FANCD2: variants seen among roughly 807,000 people sequenced by gnomAD.
FANCD2 encodes the protein FA complementation group D2, also known as Fanconi anemia group D2 protein.
Under a neutral mutation model 192.3 loss-of-function variants are expected in FANCD2, and 131 were observed. The observed-to-expected ratio is 0.68, with a 90% CI of 0.59 to 0.79. The LOEUF is 0.79. Ranked by LOEUF, FANCD2 falls within the 30% of genes least tolerant of loss-of-function variation. The pLI, the probability that FANCD2 is intolerant of heterozygous loss-of-function variation, is 0.00. For missense variants in FANCD2, 1,508 were observed against 1,701.6 expected (o/e 0.89, Z 2.00); for synonymous variants, 524 against 612.5 (o/e 0.86, Z 2.13).
chr3:10,081,763 T>G (rs1313272758), intron 32 of FANCD2, among the ~76,000 whole-genome samples: 6 of 152,062 alleles, frequency 3.9e-5, no homozygotes, highest in African/African-American at 1.4e-4. Context: ...AATTCCAGAT[T>G]GTTTGGTGAT....
At chr3:10,046,030 A>G (rs1559377235) in intron 14 of FANCD2, among the ~76,000 whole-genome samples, 1 of 149,300 alleles carries the variant, frequency 6.7e-6, no homozygotes. Flanking sequence ...TAGTAATATC[A>G]CTTTCATGCA....
rs181268064 is a variant in FANCD2, at chr3:10,093,756, G to T, written c.3888+433G>T. 2.0e-3 allele frequency among the ~76,000 whole-genome samples: 298 copies of T among 152,310 alleles called. 1 individual carries two copies. Among genetic ancestry groups the T allele is most frequent in the Non-Finnish European group, 3.2e-3 (220 of 68,028 alleles). On this transcript the variant is annotated intron_variant, in intron 39 of 43. Transcript: ENST00000675286. ...GTATTAGCCCTAGATTTGATGGGAA[G>T]TCCAGTCAGAATGTTATGGGGAGAA...
chr3:10,044,393 C>T (rs147436881), intron 14 of FANCD2, among the ~76,000 whole-genome samples: 8 of 151,672 alleles, frequency 5.3e-5, no homozygotes, highest in East Asian at 1.9e-4. Context: ...ATTGGCCGGG[C>T]GCGGTAGCTC....
At chr3:10,097,809 T>G (rs1340518111) in intron 42 of FANCD2, among the ~76,000 whole-genome samples, 1 of 152,208 alleles carries the variant, frequency 6.6e-6, no homozygotes, top group Non-Finnish European at 1.5e-5. Flanking sequence ...AATTTATGTT[T>G]AGAGATTACA....
intron 9 of FANCD2, chr3:10,040,806 A>G (rs1417150915): frequency 6.2e-6 from 2 of 323,006 alleles, no homozygotes; most frequent in African/African-American, 4.4e-5. Context: ...CCTTTTGGGC[A>G]GGATGCTCCT....
At chr3:10,072,204 C>A (rs1437668950) in intron 26 of FANCD2, among the ~76,000 whole-genome samples, 1 of 151,924 alleles carries the variant, frequency 6.6e-6, no homozygotes, top group Non-Finnish European at 1.5e-5. Flanking sequence ...CCCCATTTAC[C>A]CTCATGTGAT....
chr3:10,070,393 C>G (rs962513298), intron 26 of FANCD2, among the ~76,000 whole-genome samples: 3 of 142,952 alleles, frequency 2.1e-5, no homozygotes, highest in Non-Finnish European at 3.1e-5. Context: ...GTCAGCCCCC[C>G]GCCCGGCCAG....
rs753860269 is a variant in FANCD2 at position 10,032,905 on chromosome 3, C to T, written c.138C>T (p.Ser46=). The stretch of plus-strand genomic sequence containing the variant: ...CTAATGAAGTTGAAGAAAATGACAG[C>T]ATCTTTGTAAAGCTTCTTAAGATAT... The part of the protein sequence containing the change: ...HIANEVEEND[S]IFVKLLKISG... Residue 46 remains serine (S), a synonymous_variant, in exon 3 of 44, where the codon AGC becomes AGT. Coordinates refer to ENST00000675286, the MANE Select transcript of FANCD2 (RefSeq NM_001018115.3). The T allele has an allele frequency of 5.0e-6, 8 of 1,603,120 alleles. No homozygotes were observed. The South Asian group carries it at 8.8e-5, about 18-fold the overall frequency.
intron 2 of FANCD2, 147 bp from the exon 3 acceptor site, chr3:10,032,685 T>C (rs2086632963): frequency 2.9e-6 from 2 of 689,924 alleles, no homozygotes; most frequent in Admixed American, 5.3e-5. Flanking sequence ...CCACTATTGC[T>C]GAAGACAGTT....
At position 10,062,158 on chromosome 3, in the gene FANCD2, T is replaced by G. The variant is rs777646197; in HGVS notation, c.1774T>G (p.Ser592Ala). Residue 592 changes from serine (S) to alanine (A), a missense_variant, in exon 20 of 44, where the codon TCA becomes GCA. By Grantham distance (99) the Ser-to-Ala change is moderately conservative. Coordinates refer to ENST00000675286, the MANE Select transcript of FANCD2 (RefSeq NM_001018115.3). ...AGIMAADRSE[S>A]PSLTQERANL... The stretch of plus-strand genomic sequence containing the variant: ...AAAATTCTTTGTTTTTAGAAGTGAA[T>G]CACCTAGTTTGACCCAAGAGAGAGC... 1 of 1,610,942 alleles carries G rather than the reference T, an allele frequency of 6.2e-7. No individual in the cohort carries two copies. Among genetic ancestry groups the G allele is most frequent in the Admixed American group, 1.7e-5 (1 of 59,904 alleles).
At chr3:10,052,344 A>T (rs1168359465) in intron 17 of FANCD2, 43 bp from the exon 18 acceptor site, 10 of 1,253,914 alleles carry the variant, frequency 8.0e-6, no homozygotes, top group South Asian at 1.2e-5. Context: ...TAAGGGAAAA[A>T]TGTTAGCTGC....
At chr3:10,070,788 A>T (rs990607831) in intron 26 of FANCD2, among the ~76,000 whole-genome samples, 2 of 147,868 alleles carry the variant, frequency 1.4e-5, no homozygotes, top group African/African-American at 5.0e-5. Context: ...GTACTAAGAT[A>T]AATTCTTCTG....
chr3:10,099,387 C>T, intron 43 of FANCD2: 4 of 1,092,170 alleles, frequency 3.7e-6, no homozygotes, highest in Non-Finnish European at 4.5e-6. Flanking sequence ...CTTTTTGAGG[C>T]CAAGGTAGGA....
intron 37 of FANCD2, among the ~76,000 whole-genome samples, chr3:10,091,771 G>A (rs1019200909): frequency 6.6e-6 from 1 of 152,124 alleles, no homozygotes; most frequent in Non-Finnish European, 1.5e-5. Context: ...AAACAGCTTA[G>A]GAGAAAACTT....
At chr3:10,087,035 C>A in intron 33 of FANCD2, 99 bp from the exon 34 acceptor site, 1 of 1,335,972 alleles carries the variant, frequency 7.5e-7, no homozygotes, top group Non-Finnish European at 1.1e-6. Flanking sequence ...ATTAGGCCGT[C>A]AAACACTGAA....
chr3:10,037,205 T>A (rs2086754140), intron 7 of FANCD2, among the ~76,000 whole-genome samples: 1 of 152,186 alleles, frequency 6.6e-6, no homozygotes, highest in African/African-American at 2.4e-5. Flanking sequence ...ACAGACAGTT[T>A]ACAAAGAAGA....
intron 7 of FANCD2, 100 bp from the exon 8 acceptor site, chr3:10,039,179 A>G (rs1258837598): frequency 1.2e-6 from 1 of 808,296 alleles, no homozygotes; most frequent in African/African-American, 1.7e-5. Flanking sequence ...TGTTCGGTAA[A>G]TGTTAATGGA....
At chr3:10,058,547 C>T (rs1434266409) in intron 18 of FANCD2, among the ~76,000 whole-genome samples, 3 of 152,118 alleles carry the variant, frequency 2.0e-5, no homozygotes, top group African/African-American at 7.2e-5. Context: ...GATTTAACGT[C>T]ATTCTTTTGC....
At position 10,093,680 on chromosome 3, in the gene FANCD2, G is replaced by A. The variant is rs149623709; in HGVS notation, c.3888+357G>A. Among the ~76,000 whole-genome samples the A allele has an allele frequency of 2.6e-3, 398 of 152,282 alleles. 1 individual carries two copies. Among genetic ancestry groups the A allele is most frequent in the African/African-American group, 8.5e-3 (354 of 41,548 alleles). ...AGTCTATGGGTGGCCTTACAAATGT[G>A]GGATCTGATATCCTGATAATTGCCA... On this transcript the variant is annotated intron_variant, in intron 39 of 43. Coordinates refer to ENST00000675286, the MANE Select transcript of FANCD2 (RefSeq NM_001018115.3).
Sources: gnomAD v4.1 joint callset for allele counts (sites outside exome capture counted in the v4.1 genomes callset) on GRCh38, gnomAD v4.1.1 for gene constraint, MANE v1.5 for transcripts, NCBI Gene and HGNC (gene_info 2026-07-23, HGNC 2026-07-21) for gene names.